Variants in TBC1D32 observed in about 807,000 individuals in gnomAD.
TBC1D32 encodes TBC1 domain family member 32.
TBC1D32 carries 151 observed loss-of-function variants against 170.3 expected under a neutral mutation model. The ratio of observed to expected loss-of-function variants is 0.89; its 90% CI spans 0.78 to 1.01. The LOEUF (loss-of-function observed/expected upper bound fraction) is 1.01, where lower values mean the gene tolerates loss of function less well. Ranked by LOEUF, TBC1D32 falls within the 50% of genes least tolerant of loss-of-function variation. The pLI, the probability that TBC1D32 is intolerant of heterozygous loss-of-function variation, is 0.00. For synonymous variants in TBC1D32, 498 were observed against 488.0 expected (o/e 1.02, Z -0.27); for missense variants, 1,464 against 1,457.1 (o/e 1.00, Z -0.08).
At chr6:121,211,728 A>G (rs1240891084) in intron 21 of TBC1D32, among the ~76,000 whole-genome samples, 1 of 152,106 alleles carries the variant, frequency 6.6e-6, no homozygotes, top group Non-Finnish European at 1.5e-5. Flanking sequence ...ACCCAGCCCC[A>G]TACAAGTAAA....
At chr6:121,138,287 G>A (rs1471701484) in intron 24 of TBC1D32, among the ~76,000 whole-genome samples, 3 of 151,960 alleles carry the variant, frequency 2.0e-5, no homozygotes, top group African/African-American at 4.8e-5. Context: ...ATCATCCCAC[G>A]TTTGCTTTTC....
chr6:121,086,514 T>C (rs1312692510), intron 31 of TBC1D32, among the ~76,000 whole-genome samples: 3 of 152,164 alleles, frequency 2.0e-5, no homozygotes, highest in Non-Finnish European at 2.9e-5. Flanking sequence ...TCTCTGGTAA[T>C]AGCAGCTGCA....
At chr6:121,121,520 T>C (rs1037784948) in intron 26 of TBC1D32, among the ~76,000 whole-genome samples, 3 of 152,058 alleles carry the variant, frequency 2.0e-5, no homozygotes, top group African/African-American at 7.2e-5. Context: ...CCCTTAAGTA[T>C]TGGATATTCA....
chr6:121,294,523 A>G, intron 11 of TBC1D32, 47 bp downstream of exon 11: 1 of 1,438,032 alleles, frequency 7.0e-7, no homozygotes, highest in Non-Finnish European at 9.6e-7. Context: ...ATTTACTAAT[A>G]AAATTTACCA....
At chr6:121,334,576 C>CTCAGCT, upstream of TBC1D32, 1 of 922,686 alleles carries the variant, frequency 1.1e-6, no homozygotes, top group Admixed American at 2.9e-5. Context: ...TGCCTGCGCC[C>CTCAGCT]TCAGCTGCCA....
At chr6:121,229,771 T>C (rs1795507985) in intron 20 of TBC1D32, among the ~76,000 whole-genome samples, 1 of 152,148 alleles carries the variant, frequency 6.6e-6, no homozygotes, top group Admixed American at 6.6e-5. Context: ...AGAGTTCTGA[T>C]ATGGTTTAGC....
intron 19 of TBC1D32, 61 bp from the exon 20 acceptor site, chr6:121,239,249 A>C: frequency 1.0e-6 from 1 of 1,004,086 alleles, no homozygotes; most frequent in Non-Finnish European, 1.5e-6. Flanking sequence ...TTATGAAGGA[A>C]AGATATGATG....
intron 20 of TBC1D32, among the ~76,000 whole-genome samples, chr6:121,226,372 A>G (rs1318390746): frequency 6.6e-6 from 1 of 152,216 alleles, no homozygotes; most frequent in Admixed American, 6.5e-5. Context: ...GTAAGTCTGT[A>G]TAAGTAGCAG....
chr6:121,146,835 G>C (rs752554819), intron 24 of TBC1D32, among the ~76,000 whole-genome samples: 2 of 152,004 alleles, frequency 1.3e-5, no homozygotes, highest in African/African-American at 2.4e-5. Flanking sequence ...TTAAATTTTA[G>C]ATTCAGGGGA....
chr6:121,222,134 G>A (rs1001689998), intron 21 of TBC1D32, among the ~76,000 whole-genome samples: 1 of 152,056 alleles, frequency 6.6e-6, no homozygotes. Flanking sequence ...CTCACTGAAG[G>A]CTCAGATGTT....
rs1809751330 is a variant in TBC1D32 at position 121,321,752 on chromosome 6, A to C, written c.198T>G (p.Thr66=). The change falls in exon 2 of 32, where the codon ACT becomes ACG. Residue 66 remains threonine (T), a synonymous_variant. Transcript: ENST00000398212. ...TTTCTTCTTCAATCATAGAACCCAA[A>C]GTGTTGCCTATATGCTGCCTGAGGT... is the stretch of plus-strand genomic sequence containing the variant. ...VKYLRQHIGN[T]LGSMIEEEME... The C allele has an allele frequency of 1.2e-6, 2 of 1,613,946 alleles. No individual in the cohort carries two copies. Among genetic ancestry groups the C allele is most frequent in the African/African-American group, 2.7e-5 (2 of 75,036 alleles).
At position 121,247,695 on chromosome 6, in the gene TBC1D32, C is replaced by CAAAAAAAAAAAAAAAAAAAAA. The variant is rs34914027; in HGVS notation, c.2019-5377_2019-5357dup. On this transcript the variant is annotated intron_variant, in intron 17 of 31. Transcript: ENST00000398212. The stretch of plus-strand genomic sequence containing the variant: ...ATATCAGATAAAACAGGCTTTAAAG[C>CAAAAAAAAAAAAAAAAAAAAA]AAAAAAAAAAAAAAAAAAAAAAAGA... Among the ~76,000 whole-genome samples the CAAAAAAAAAAAAAAAAAAAAA allele has an allele frequency of 1.9e-4, 9 of 46,570 alleles. 1 individual carries two copies. The highest frequency in any genetic ancestry group is 6.1e-4 in the African/African-American group (6 of 9,798). 30.6% of individuals were successfully genotyped at this position (46,570 alleles called of 152,430 possible). A position where few individuals can be genotyped will look rare whatever the true frequency, so the allele number is the denominator to read the frequency against.
chr6:121,098,366 TAGA>T (rs1409589988), intron 30 of TBC1D32, among the ~76,000 whole-genome samples: 4 of 151,878 alleles, frequency 2.6e-5, no homozygotes, highest in South Asian at 2.1e-4. Context: ...GCTTTCATCA[TAGA>T]AGAAGTACCA....
At chr6:121,309,406 A>C (rs1807832747) in intron 4 of TBC1D32, among the ~76,000 whole-genome samples, 1 of 152,194 alleles carries the variant, frequency 6.6e-6, no homozygotes, top group African/African-American at 2.4e-5. Context: ...ATTTACTATG[A>C]ACCCAGAAAA....
At chr6:121,197,999 T>C (rs1790979199) in intron 22 of TBC1D32, among the ~76,000 whole-genome samples, 1 of 151,702 alleles carries the variant, frequency 6.6e-6, no homozygotes, top group Non-Finnish European at 1.5e-5. Flanking sequence ...CCTACATCTT[T>C]CTCCTGCGCT....
At chr6:121,184,581 A>G (rs551378094) in intron 22 of TBC1D32, among the ~76,000 whole-genome samples, 3 of 151,926 alleles carry the variant, frequency 2.0e-5, no homozygotes, top group Non-Finnish European at 4.4e-5. Context: ...TACAGCAAAA[A>G]CAAATAAAAA....
At chr6:121,313,465 CCAAA>C (rs1169341661) in intron 3 of TBC1D32, among the ~76,000 whole-genome samples, 3 of 151,418 alleles carry the variant, frequency 2.0e-5, no homozygotes, top group African/African-American at 7.3e-5. Flanking sequence ...TGTACTTTTA[CCAAA>C]CAAACAAGCC....
intron 21 of TBC1D32, among the ~76,000 whole-genome samples, chr6:121,217,727 T>G (rs1309155511): frequency 6.6e-6 from 1 of 152,130 alleles, no homozygotes; most frequent in Non-Finnish European, 1.5e-5. Context: ...AAATAATCTG[T>G]ACAACAAATC....
intron 22 of TBC1D32, among the ~76,000 whole-genome samples, chr6:121,177,189 G>A (rs785403): frequency 0.12 from 17,745 of 152,136 alleles, 1,504 homozygotes; most frequent in Admixed American, 0.23. Context: ...AATGTTGGAG[G>A]TGGGGCTTGG....
Sources: allele counts gnomAD v4.1 joint callset (sites outside exome capture counted in the v4.1 genomes callset), GRCh38; gene constraint gnomAD v4.1.1; transcripts MANE v1.5; gene names NCBI Gene and HGNC (gene_info 2026-07-23, HGNC 2026-07-21).